Variants in COBL observed in about 807,000 individuals in gnomAD.
The protein encoded by COBL is cordon-bleu WH2 repeat protein.
Under a neutral mutation model 98.8 loss-of-function variants are expected in COBL, and 51 were observed. The ratio of observed to expected loss-of-function variants is 0.52; its 90% CI spans 0.41 to 0.65. The LOEUF is 0.65. Ranked by LOEUF, COBL falls within the 30% of genes least tolerant of loss-of-function variation. The pLI is 0.00. For synonymous variants in COBL, 634 were observed against 651.7 expected, an observed-to-expected ratio of 0.97 and a Z score of 0.41; for missense variants, 1,617 against 1,617.5, an observed-to-expected ratio of 1.00 and a Z score of 0.01.
At chr7:51,156,255 T>C (rs1035245801) in intron 5 of COBL, 10 of 984,928 alleles carry the variant, frequency 1.0e-5, no homozygotes, top group Non-Finnish European at 1.1e-5. Flanking sequence ...TTTCTTACCC[T>C]TTTATTTTTC....
intron 1 of COBL, among the ~76,000 whole-genome samples, chr7:51,290,483 C>T (rs1035646580): frequency 6.6e-6 from 1 of 152,164 alleles, no homozygotes; most frequent in Non-Finnish European, 1.5e-5. Context: ...TGTGCTCAGC[C>T]TTCCTTTAAA....
intron 1 of COBL, among the ~76,000 whole-genome samples, chr7:51,229,907 A>G (rs1794583241): frequency 6.6e-6 from 1 of 152,104 alleles, no homozygotes; most frequent in East Asian, 1.9e-4. Flanking sequence ...CAAGGGCCCG[A>G]AGGTCCCAGC....
At chr7:51,191,271 T>C (rs10275178) in intron 3 of COBL, among the ~76,000 whole-genome samples, 193 bp from the exon 4 acceptor site, 6,766 of 152,152 alleles carry the variant, frequency 0.044, 390 homozygotes, top group South Asian at 0.15. Flanking sequence ...ATAAATCTGG[T>C]TTAGAATCTC....
At chr7:51,145,907 C>T (rs1353199700) in intron 5 of COBL, among the ~76,000 whole-genome samples, 1 of 152,126 alleles carries the variant, frequency 6.6e-6, no homozygotes, top group Non-Finnish European at 1.5e-5. Context: ...GGCATCTTTC[C>T]GTTTGTTTAC....
chr7:51,313,010 C>T (rs1803202859), intron 1 of COBL, among the ~76,000 whole-genome samples: 1 of 152,222 alleles, frequency 6.6e-6, no homozygotes, highest in East Asian at 1.9e-4. Context: ...GGCCTACTCT[C>T]CACATTACAT....
At chr7:51,240,570 G>C (rs1302460927) in intron 1 of COBL, among the ~76,000 whole-genome samples, 1 of 151,996 alleles carries the variant, frequency 6.6e-6, no homozygotes, top group Non-Finnish European at 1.5e-5. Context: ...TTTTGAGACA[G>C]AGTTTGACCC....
At chr7:51,272,333 T>G (rs545545534) in intron 1 of COBL, among the ~76,000 whole-genome samples, 1 of 152,138 alleles carries the variant, frequency 6.6e-6, no homozygotes, top group Non-Finnish European at 1.5e-5. Flanking sequence ...AGCTTGGGTT[T>G]TAATAACTTC....
intron 1 of COBL, among the ~76,000 whole-genome samples, chr7:51,242,062 G>C (rs1795839870): frequency 6.6e-6 from 1 of 152,208 alleles, no homozygotes; most frequent in Non-Finnish European, 1.5e-5. Flanking sequence ...CAACCAGTCT[G>C]GTCTCAGGCC....
chr7:51,170,217 C>T (rs368743179), intron 5 of COBL, among the ~76,000 whole-genome samples: 2 of 151,646 alleles, frequency 1.3e-5, no homozygotes, highest in South Asian at 2.1e-4. Context: ...TATGGCTATT[C>T]GATGATCACA....
At chr7:51,244,857 G>A (rs192719820) in intron 1 of COBL, among the ~76,000 whole-genome samples, 1 of 152,200 alleles carries the variant, frequency 6.6e-6, no homozygotes, top group Non-Finnish European at 1.5e-5. Flanking sequence ...TGTCTGCAGA[G>A]ACCCCAGGGA....
chr7:51,172,550 C>T (rs763733308), intron 5 of COBL: 21 of 1,278,484 alleles, frequency 1.6e-5, no homozygotes, highest in African/African-American at 1.2e-4. Context: ...AAGCACCAGG[C>T]CACATCATCT....
At chr7:51,305,095 G>A (rs1478933669) in intron 1 of COBL, among the ~76,000 whole-genome samples, 1 of 152,198 alleles carries the variant, frequency 6.6e-6, no homozygotes, top group Non-Finnish European at 1.5e-5. Flanking sequence ...CATAAGCTGA[G>A]CCTTGTGGAA....
chr7:51,143,998 T>C (rs1784797218), intron 5 of COBL, among the ~76,000 whole-genome samples: 1 of 152,168 alleles, frequency 6.6e-6, no homozygotes, highest in African/African-American at 2.4e-5. Flanking sequence ...GCCACATAAT[T>C]TATTATCCAA....
rs1786320866 is a variant in COBL at position 51,016,735 on chromosome 7, T to TACAC, written c.*812_*815dup. ...CTCCCAGTGAAGTCATCAGGCTCCG[T>TACAC]ACACAGGCACCGTGGGGGAGGCCTA... On this transcript the variant is annotated 3_prime_UTR_variant, in exon 13 of 13. Coordinates refer to ENST00000265136, the MANE Select transcript of COBL (RefSeq NM_015198.5). 1.0e-5 allele frequency: 4 copies of TACAC among 388,862 alleles called. No individual in the cohort carries two copies. The highest frequency in any genetic ancestry group is 4.5e-5 in the Admixed American group (1 of 22,386). 24.1% of individuals were successfully genotyped at this position (388,862 alleles called of 1,614,324 possible).
chr7:51,100,258 G>A (rs1041693601), intron 6 of COBL, among the ~76,000 whole-genome samples: 3 of 152,114 alleles, frequency 2.0e-5, no homozygotes, highest in African/African-American at 7.2e-5. Flanking sequence ...TAAATGCCAC[G>A]ATTTCACTTA....
chr7:51,103,001 G>A (rs1027837633), intron 6 of COBL, among the ~76,000 whole-genome samples: 3 of 152,204 alleles, frequency 2.0e-5, no homozygotes, highest in Non-Finnish European at 2.9e-5. Context: ...TGTGCTCAGA[G>A]TGACAACACT....
At chr7:51,229,807 T>C (rs1584249150) in intron 1 of COBL, among the ~76,000 whole-genome samples, 2 of 152,310 alleles carry the variant, frequency 1.3e-5, no homozygotes, top group Admixed American at 1.3e-4. Flanking sequence ...TGCCAACCAT[T>C]GTCCCAGGAC....
At chr7:51,169,448 T>C (rs1458829095) in intron 5 of COBL, among the ~76,000 whole-genome samples, 1 of 152,156 alleles carries the variant, frequency 6.6e-6, no homozygotes, top group African/African-American at 2.4e-5. Flanking sequence ...AAATAAACTT[T>C]CTAAATTGAT....
In COBL at chr7:51,164,228, G is replaced by C. The variant is rs190070875; in HGVS notation, c.783+19874C>G. Among the ~76,000 whole-genome samples, 373 of 152,084 alleles carry C rather than the reference G, an allele frequency of 2.5e-3. 2 individuals carry two copies. The highest frequency in any genetic ancestry group is 5.6e-3 in the South Asian group (27 of 4,822). Reference sequence around the variant, plus strand: ...CAATGTATTGAAAAGGATAATATCAGAGAACATCTTAAACCTAGAGAAAGT... The same window carrying C: ...CAATGTATTGAAAAGGATAATATCACAGAACATCTTAAACCTAGAGAAAGT... On this transcript the variant is annotated intron_variant, in intron 5 of 12. Transcript: ENST00000265136.
Sources: allele counts gnomAD v4.1 joint callset (sites outside exome capture counted in the v4.1 genomes callset), GRCh38; gene constraint gnomAD v4.1.1; transcripts MANE v1.5; gene names NCBI Gene and HGNC (gene_info 2026-07-23, HGNC 2026-07-21).